Variants in OPCML observed in about 807,000 individuals in gnomAD.
OPCML encodes opioid-binding protein/cell adhesion molecule.
A neutral mutation model predicts 37.8 loss-of-function variants in OPCML; 13 were observed. The observed-to-expected ratio is 0.34, with a 90% CI of 0.22 to 0.55. OPCML has a LOEUF of 0.55. Among genes scored for constraint, OPCML ranks in the 20% least tolerant of loss-of-function variants. The pLI, the probability that OPCML is intolerant of heterozygous loss-of-function variation, is 0.91. For synonymous variants in OPCML, 176 were observed against 168.8 expected, an observed-to-expected ratio of 1.04 and a Z score of -0.33; for missense variants, 341 against 435.6, an observed-to-expected ratio of 0.78 and a Z score of 1.93.
intron 4 of OPCML, among the ~76,000 whole-genome samples, chr11:132,520,018 G>C (rs1019564304): frequency 1.3e-5 from 2 of 152,122 alleles, no homozygotes; most frequent in Non-Finnish European, 2.9e-5. Context: ...GACCTACAGC[G>C]GACAATGGCA....
At chr11:133,425,366 G>C (rs1195238221) in intron 1 of OPCML, among the ~76,000 whole-genome samples, 2 of 152,168 alleles carry the variant, frequency 1.3e-5, no homozygotes, top group Non-Finnish European at 2.9e-5. Flanking sequence ...CTATTTTGTG[G>C]TCTCCTTGGG....
intron 3 of OPCML, among the ~76,000 whole-genome samples, chr11:132,564,313 G>T (rs1325660531): frequency 6.6e-6 from 1 of 152,232 alleles, no homozygotes; most frequent in East Asian, 1.9e-4. Flanking sequence ...ACAGTGTCCA[G>T]AGACTACTGG....
intron 1 of OPCML, among the ~76,000 whole-genome samples, chr11:133,119,340 T>C (rs895819282): frequency 7.9e-5 from 12 of 151,682 alleles, no homozygotes; most frequent in Non-Finnish European, 1.5e-4. Flanking sequence ...TCTTTTCAAA[T>C]ATACATTTGG....
intron 2 of OPCML, among the ~76,000 whole-genome samples, chr11:132,800,219 C>T (rs920489519): frequency 4.6e-5 from 7 of 152,014 alleles, no homozygotes; most frequent in Non-Finnish European, 8.8e-5. Flanking sequence ...TTGGATTGCT[C>T]ATTGCAATTG....
intron 1 of OPCML, among the ~76,000 whole-genome samples, chr11:133,181,274 G>A (rs1340332798): frequency 2.7e-5 from 4 of 149,576 alleles, no homozygotes; most frequent in Admixed American, 6.8e-5. Flanking sequence ...AAGGAAAACC[G>A]GGCGAACCTG....
intron 3 of OPCML, among the ~76,000 whole-genome samples, chr11:132,616,162 A>G (rs1939001544): frequency 6.6e-6 from 1 of 152,200 alleles, no homozygotes; most frequent in Non-Finnish European, 1.5e-5. Flanking sequence ...CTTTGGAGAC[A>G]TGGCTTTCAG....
chr11:132,716,704 A>T (rs1200265621), intron 2 of OPCML, among the ~76,000 whole-genome samples: 1 of 152,152 alleles, frequency 6.6e-6, no homozygotes, highest in Admixed American at 6.5e-5. Flanking sequence ...CTTTTAAAAA[A>T]CCCAGCACTC....
intron 3 of OPCML, among the ~76,000 whole-genome samples, chr11:132,544,604 A>G (rs1406620647): frequency 6.6e-6 from 1 of 152,198 alleles, no homozygotes; most frequent in Non-Finnish European, 1.5e-5. Context: ...CCAGCCCAGA[A>G]AATATTTCAG....
chr11:132,630,278 G>C (rs1357229854), intron 3 of OPCML, among the ~76,000 whole-genome samples: 2 of 152,168 alleles, frequency 1.3e-5, no homozygotes, highest in Non-Finnish European at 2.9e-5. Flanking sequence ...GAAATGGTAG[G>C]ACTGGGCACC....
intron 2 of OPCML, among the ~76,000 whole-genome samples, chr11:132,742,507 T>C (rs1945464399): frequency 6.6e-6 from 1 of 151,952 alleles, no homozygotes; most frequent in Non-Finnish European, 1.5e-5. Context: ...ATCTTGGAGT[T>C]CCCAGACACC....
At chr11:132,448,161 C>T (rs2096060172) in intron 4 of OPCML, among the ~76,000 whole-genome samples, 1 of 152,216 alleles carries the variant, frequency 6.6e-6, no homozygotes, top group Non-Finnish European at 1.5e-5. Flanking sequence ...CAGCACAGCT[C>T]AGTTCCTGCA....
At chr11:133,280,066 G>T (rs1256640083) in intron 1 of OPCML, among the ~76,000 whole-genome samples, 2 of 152,174 alleles carry the variant, frequency 1.3e-5, no homozygotes, top group African/African-American at 4.8e-5. Flanking sequence ...CATTGTGTAT[G>T]AGCATTGGGA....
chr11:132,720,812 C>T (rs1162651200), intron 2 of OPCML, among the ~76,000 whole-genome samples: 2 of 152,140 alleles, frequency 1.3e-5, no homozygotes, highest in African/African-American at 4.8e-5. Context: ...CTTAAAATCA[C>T]ATAATAATAT....
At chr11:133,247,540 T>C (rs1010465113) in intron 1 of OPCML, among the ~76,000 whole-genome samples, 2 of 122,406 alleles carry the variant, frequency 1.6e-5, no homozygotes, top group Admixed American at 9.5e-5. Flanking sequence ...CTTTCCTTCT[T>C]TTTCTTTCTT....
intron 7 of OPCML, among the ~76,000 whole-genome samples, chr11:132,425,848 C>T (rs2095976226): frequency 6.6e-6 from 1 of 152,160 alleles, no homozygotes; most frequent in African/African-American, 2.4e-5. Context: ...TTCAGTAGCC[C>T]AGTACTTTCT....
intron 1 of OPCML, among the ~76,000 whole-genome samples, chr11:133,088,710 A>C (rs1023148105): frequency 6.6e-6 from 1 of 152,204 alleles, no homozygotes; most frequent in Admixed American, 6.5e-5. Context: ...GGAACAATAG[A>C]ATTATACAAG....
At chr11:133,235,640 A>C (rs1940478317) in intron 1 of OPCML, among the ~76,000 whole-genome samples, 1 of 152,220 alleles carries the variant, frequency 6.6e-6, no homozygotes, top group Non-Finnish European at 1.5e-5. Context: ...TAAAGCTGTT[A>C]GGAAACTGAA....
At chr11:132,758,475 T>C (rs1266290781) in intron 2 of OPCML, among the ~76,000 whole-genome samples, 2 of 152,226 alleles carry the variant, frequency 1.3e-5, no homozygotes, top group East Asian at 1.9e-4. Flanking sequence ...TCTTATTTCC[T>C]TGAGCAGTGG....
intron 4 of OPCML, among the ~76,000 whole-genome samples, chr11:132,491,566 C>T (rs776630013): frequency 7.2e-5 from 11 of 152,238 alleles, no homozygotes; most frequent in Non-Finnish European, 1.6e-4. Flanking sequence ...TGGAATTCCA[C>T]CCACTCACTC....
Sources: gnomAD v4.1 joint callset for allele counts (sites outside exome capture counted in the v4.1 genomes callset) on GRCh38, gnomAD v4.1.1 for gene constraint, MANE v1.5 for transcripts, NCBI Gene and HGNC (gene_info 2026-07-23, HGNC 2026-07-21) for gene names.